The following PCDHGA4 variants were observed in gnomAD, a reference collection of about 807,000 sequenced individuals.
PCDHGA4 encodes the protein protocadherin gamma subfamily A, 4.
Under a neutral mutation model 54.6 loss-of-function variants are expected in PCDHGA4, and 38 were observed. The ratio of observed to expected loss-of-function variants is 0.70; its 90% CI spans 0.54 to 0.91. The LOEUF is 0.91. Ranked by LOEUF, PCDHGA4 falls within the 40% of genes least tolerant of loss-of-function variation. PCDHGA4 has a pLI of 0.00. For synonymous variants in PCDHGA4, 511 were observed against 512.9 expected (o/e 1.00, Z 0.05); for missense variants, 1,298 against 1,220.9 (o/e 1.06, Z -0.94).
chr5:141,486,967 G>C lies in PCDHGA4; in HGVS notation c.2515-7840G>C. The C allele has an allele frequency of 6.2e-7, 1 of 1,614,202 alleles. No homozygotes were observed. Among genetic ancestry groups the C allele is most frequent in the Non-Finnish European group, 8.5e-7 (1 of 1,180,032 alleles). ...TCACAAAGGTGACTGCTGTGGACTT[G>C]GATTCAGGTTACAATGCTTGGGTTT... On this transcript the variant is annotated intron_variant, in intron 1 of 3. Transcript: ENST00000571252. The surrounding 1 kb of genome is among the most constrained non-coding windows in gnomAD (Gnocchi z 5.0).
intron 1 of PCDHGA4, chr5:141,372,864 AT>A (rs1769140168): frequency 5.7e-6 from 8 of 1,393,446 alleles, no homozygotes; most frequent in Non-Finnish European, 6.7e-6. Context: ...CAATTCATTG[AT>A]TTAGAGATAA....
intron 1 of PCDHGA4, chr5:141,365,905 G>A (rs539434078): frequency 1.2e-6 from 2 of 1,614,190 alleles, no homozygotes; most frequent in East Asian, 2.2e-5. Flanking sequence ...ATGAGCAGTT[G>A]AGAGACCTAC....
At chr5:141,374,168 G>A in intron 1 of PCDHGA4, 1 of 1,613,320 alleles carries the variant, frequency 6.2e-7, no homozygotes, top group Non-Finnish European at 8.5e-7. Flanking sequence ...GGCCGCGGCA[G>A]CGCAGATCCG....
intron 1 of PCDHGA4, chr5:141,403,562 G>A (rs2094421705): frequency 6.2e-7 from 1 of 1,613,980 alleles, no homozygotes; most frequent in Non-Finnish European, 8.5e-7. Context: ...GGACAGGGAG[G>A]AGGCAACTGC....
At chr5:141,365,972 C>A (rs1287343424) in intron 1 of PCDHGA4, 1 of 1,614,232 alleles carries the variant, frequency 6.2e-7, no homozygotes, top group Admixed American at 1.7e-5. Context: ...CAACGTGTCG[C>A]TGAGCCTGTT....
chr5:141,423,730 A>G, intron 1 of PCDHGA4: 1 of 831,022 alleles, frequency 1.2e-6, no homozygotes. Flanking sequence ...ATGTTTTTTG[A>G]GCCTGTTATG....
intron 1 of PCDHGA4, chr5:141,426,875 C>T (rs1005769074): frequency 8.8e-6 from 4 of 456,566 alleles, no homozygotes; most frequent in African/African-American, 4.0e-5. Context: ...TGGAGAAGCC[C>T]CTGGGCCAGG....
intron 1 of PCDHGA4, chr5:141,408,518 T>A (rs1330187050): frequency 6.2e-7 from 1 of 1,614,010 alleles, no homozygotes; most frequent in African/African-American, 1.3e-5. Flanking sequence ...TGAGTTGCAA[T>A]TGGAAGCTGT....
chr5:141,456,973 A>G (rs1276476368), intron 1 of PCDHGA4, among the ~76,000 whole-genome samples: 2 of 147,412 alleles, frequency 1.4e-5, no homozygotes, highest in Admixed American at 6.7e-5. Flanking sequence ...AAAACAAAAC[A>G]AACAAACAAA....
Position 141,434,784 on chromosome 5 carries a change from AT to A in PCDHGA4, c.2515-60014del, listed in dbSNP as rs201914459. On this transcript the variant is annotated intron_variant, in intron 1 of 3. Transcript: ENST00000571252. The stretch of plus-strand genomic sequence containing the variant: ...ACTTCACACTTCTAAAAAAAAAAAA[AT>A]TTTTTTTTCTGAGCTTGGAGAAATA... Among the ~76,000 whole-genome samples the A allele has an allele frequency of 3.3e-4, 49 of 150,342 alleles. 1 individual carries two copies. Among genetic ancestry groups the A allele is most frequent in the Middle Eastern group, 3.4e-3 (1 of 290 alleles).
chr5:141,422,226 G>A (rs766346054), intron 1 of PCDHGA4: 1 of 1,565,844 alleles, frequency 6.4e-7, no homozygotes, highest in East Asian at 2.2e-5. Flanking sequence ...CCACCACGAC[G>A]ATGTTGATCA....
chr5:141,372,305 C>G, intron 1 of PCDHGA4: 2 of 1,613,260 alleles, frequency 1.2e-6, no homozygotes, highest in South Asian at 1.1e-5. Context: ...ACAGGGAGGC[C>G]GCCCGCCAGC....
At position 141,447,667 on chromosome 5, in the gene PCDHGA4, G is replaced by A. The variant is rs115529144; in HGVS notation, c.2515-47140G>A. 2.4e-3 allele frequency among the ~76,000 whole-genome samples: 372 copies of A among 152,278 alleles called. 2 individuals are homozygous for A. Among genetic ancestry groups the A allele is most frequent in the African/African-American group, 8.6e-3 (358 of 41,546 alleles). The stretch of plus-strand genomic sequence containing the variant: ...TAGAATTTTCCCCCCCAGGAAGTTA[G>A]AACTGTTCCATATCTTGATAGAGGG... On this transcript the variant is annotated intron_variant, in intron 1 of 3. Transcript: ENST00000571252.
chr5:141,420,065 G>T, intron 1 of PCDHGA4: 1 of 1,614,018 alleles, frequency 6.2e-7, no homozygotes, highest in East Asian at 2.2e-5. Flanking sequence ...CTCCAAGTCC[G>T]GACCTGTGGG....
chr5:141,381,698 C>A (rs1251060336), intron 1 of PCDHGA4, among the ~76,000 whole-genome samples: 1 of 152,046 alleles, frequency 6.6e-6, no homozygotes, highest in Non-Finnish European at 1.5e-5. Flanking sequence ...ACAACGATTT[C>A]TTTCTTTTTT....
intron 1 of PCDHGA4, chr5:141,423,330 C>G (rs932335651): frequency 9.9e-6 from 16 of 1,614,056 alleles, no homozygotes; most frequent in Middle Eastern, 1.6e-4. Flanking sequence ...TGGCCGCAGT[C>G]TCCTGCATCT....
chr5:141,421,163 G>C, intron 1 of PCDHGA4: 2 of 1,276,926 alleles, frequency 1.6e-6, no homozygotes, highest in Non-Finnish European at 2.1e-6. Flanking sequence ...GGACTTCATA[G>C]ATACATAAGC....
At chr5:141,498,011 G>A (rs995865984) in intron 2 of PCDHGA4, among the ~76,000 whole-genome samples, 2 of 152,204 alleles carry the variant, frequency 1.3e-5, no homozygotes, top group Non-Finnish European at 2.9e-5. Flanking sequence ...ACAGTGCACT[G>A]AAGGAGACAA....
intron 1 of PCDHGA4, chr5:141,423,454 G>C (rs1323921797): frequency 1.9e-6 from 3 of 1,614,030 alleles, no homozygotes; most frequent in Non-Finnish European, 2.5e-6. Context: ...ACATTTTGTA[G>C]GCGTGGACGG....
Sources: allele counts gnomAD v4.1 joint callset (sites outside exome capture counted in the v4.1 genomes callset), GRCh38; gene constraint gnomAD v4.1.1; non-coding constraint Gnocchi (gnomAD v3.1); transcripts MANE v1.5; gene names NCBI Gene and HGNC (gene_info 2026-07-23, HGNC 2026-07-21).